The following ARHGAP6 variants were observed in gnomAD, a reference collection of about 807,000 sequenced individuals.
The protein encoded by ARHGAP6 is Rho GTPase activating protein 6.
Under a neutral mutation model 55.7 loss-of-function variants are expected in ARHGAP6, and 16 were observed. The observed-to-expected ratio is 0.29, with a 90% CI of 0.19 to 0.44. ARHGAP6 has a LOEUF of 0.44. ARHGAP6 is among the 20% of genes least tolerant of loss of function. The pLI, the probability that ARHGAP6 is intolerant of heterozygous loss-of-function variation, is 1.00. For missense variants in ARHGAP6, 698 were observed against 808.9 expected (o/e 0.86, Z 1.66); for synonymous variants, 382 against 360.9 (o/e 1.06, Z -0.66).
chrX:11,197,980 A>G (rs2046564910), intron 2 of ARHGAP6, among the ~76,000 whole-genome samples: 1 of 112,121 alleles, frequency 8.9e-6, no homozygotes, highest in South Asian at 3.7e-4. Flanking sequence ...GGTGAAAAAA[A>G]TGATTAAGAA....
chrX:11,171,454 G>T (rs2046090409), intron 8 of ARHGAP6, among the ~76,000 whole-genome samples: 2 of 109,642 alleles, frequency 1.8e-5, no homozygotes, highest in Non-Finnish European at 3.8e-5. Context: ...CCCACTGCAC[G>T]AATAAACCAT....
intron 2 of ARHGAP6, among the ~76,000 whole-genome samples, chrX:11,251,308 T>C (rs2047420567): frequency 8.9e-6 from 1 of 111,978 alleles, no homozygotes; most frequent in Non-Finnish European, 1.9e-5. Flanking sequence ...TCAGTGTCCA[T>C]ATAACTAATG....
chrX:11,181,949 G>T, intron 6 of ARHGAP6, 114 bp downstream of exon 6: 1 of 506,060 alleles, frequency 2.0e-6, no homozygotes, highest in Non-Finnish European at 3.2e-6. Context: ...AGCTTGGAGG[G>T]TAAAAAAAAA....
At chrX:11,204,825 G>T (rs996721237) in intron 2 of ARHGAP6, among the ~76,000 whole-genome samples, 2 of 111,708 alleles carry the variant, frequency 1.8e-5, no homozygotes, top group African/African-American at 6.5e-5. Context: ...AACTCCTTTT[G>T]ATTTGACCTT....
intron 1 of ARHGAP6, among the ~76,000 whole-genome samples, chrX:11,330,930 C>T (rs1224919959): frequency 1.8e-5 from 2 of 111,470 alleles, no homozygotes; most frequent in Admixed American, 9.6e-5. Context: ...TTTGTTGGGG[C>T]TCAGAAAACA....
chrX:11,567,537 G>A (rs1229093396), intron 1 of ARHGAP6, among the ~76,000 whole-genome samples: 2 of 65,683 alleles, frequency 3.0e-5, no homozygotes, highest in Non-Finnish European at 6.1e-5. Context: ...CTGGGTGACA[G>A]AGGGAGACTC....
In ARHGAP6 at chrX:11,351,361, C is replaced by T. The variant is rs1404159485; in HGVS notation, c.589-96654G>A. On this transcript the variant is annotated intron_variant, in intron 1 of 12. Coordinates refer to ENST00000337414, the MANE Select transcript of ARHGAP6 (RefSeq NM_013427.3). Reference sequence around the variant, plus strand: ...CATTCATATCATATAACTAAATACACGTGACCTAGAAACACCCAACTTACA... The same window carrying T: ...CATTCATATCATATAACTAAATACATGTGACCTAGAAACACCCAACTTACA... 5.2e-6 allele frequency: 5 copies of T among 966,063 alleles called. No individual in the cohort carries two copies. In the African/African-American group the frequency reaches 5.9e-5, roughly 11 times the overall value. 79.6% of individuals were successfully genotyped at this position (966,063 alleles called of 1,213,427 possible).
intron 1 of ARHGAP6, among the ~76,000 whole-genome samples, chrX:11,375,653 C>G (rs1396838751): frequency 8.9e-6 from 1 of 111,964 alleles, no homozygotes; most frequent in Admixed American, 9.5e-5. Flanking sequence ...ATTCTCAGTA[C>G]CAATGGCTTC....
intron 1 of ARHGAP6, among the ~76,000 whole-genome samples, chrX:11,442,557 G>C (rs1188512879): frequency 9.0e-6 from 1 of 111,569 alleles, no homozygotes; most frequent in African/African-American, 3.3e-5. Flanking sequence ...CAGAAACGGG[G>C]GAAAAAATCC....
At chrX:11,593,377 C>T (rs2051861635) in intron 1 of ARHGAP6, among the ~76,000 whole-genome samples, 2 of 111,634 alleles carry the variant, frequency 1.8e-5, no homozygotes, top group Admixed American at 1.9e-4. Context: ...TCCAGTTATA[C>T]AACATTCTGG....
intron 1 of ARHGAP6, among the ~76,000 whole-genome samples, chrX:11,488,476 C>A (rs752991673): frequency 1.8e-5 from 2 of 111,309 alleles, no homozygotes; most frequent in South Asian, 7.6e-4. Context: ...TGAAACAAAG[C>A]TCTATTTCAT....
At chrX:11,647,219 T>C (rs959106992) in intron 1 of ARHGAP6, among the ~76,000 whole-genome samples, 1 of 112,399 alleles carries the variant, frequency 8.9e-6, no homozygotes, top group African/African-American at 3.2e-5. Context: ...ACACTGCTAA[T>C]ATTTTGGTAG....
chrX:11,299,085 A>G, intron 1 of ARHGAP6: 1 of 941,268 alleles, frequency 1.1e-6, no homozygotes, highest in Non-Finnish European at 1.5e-6. Flanking sequence ...TGTAGTAGTT[A>G]CAGGTCTATG....
In ARHGAP6 at chrX:11,500,663, C is replaced by CAAAA. The variant is rs995574477; in HGVS notation, c.588+163574_588+163577dup. Among the ~76,000 whole-genome samples, 162 of 33,499 alleles carry CAAAA rather than the reference C, an allele frequency of 4.8e-3. 2 individuals are homozygous for CAAAA. The highest frequency in any genetic ancestry group is 0.016 in the African/African-American group (140 of 8,984). The allele number at this position is 33,499 out of a possible 115,157, so 29.1% of individuals were successfully genotyped here. A position where few individuals can be genotyped will look rare whatever the true frequency, so the allele number is the denominator to read the frequency against. Reference sequence around the variant, plus strand: ...CCCGGGAAACAGAGCCAGACTCTGTCAAAAAAAAAAAAAAAAAAAAAGAAG... The same window carrying CAAAA: ...CCCGGGAAACAGAGCCAGACTCTGTCAAAAAAAAAAAAAAAAAAAAAAAAAGAAG... On this transcript the variant is annotated intron_variant, in intron 1 of 12. Coordinates refer to ENST00000337414, the MANE Select transcript of ARHGAP6 (RefSeq NM_013427.3).
At chrX:11,334,914 A>T (rs772847030) in intron 1 of ARHGAP6, 1 of 139,895 alleles carries the variant, frequency 7.1e-6, no homozygotes, top group Non-Finnish European at 1.4e-5. Context: ...AATGTCCTCC[A>T]TAGCACCCGT....
At chrX:11,497,191 C>G (rs1370498014) in intron 1 of ARHGAP6, among the ~76,000 whole-genome samples, 1 of 111,935 alleles carries the variant, frequency 8.9e-6, no homozygotes, top group Non-Finnish European at 1.9e-5. Flanking sequence ...TCATCAGAAA[C>G]ATAAATTTCT....
At chrX:11,261,874 C>A (rs2047565962) in intron 1 of ARHGAP6, among the ~76,000 whole-genome samples, 1 of 111,360 alleles carries the variant, frequency 9.0e-6, no homozygotes. Flanking sequence ...TGCTAAGCAC[C>A]TTATAATGCA....
intron 1 of ARHGAP6, among the ~76,000 whole-genome samples, chrX:11,631,111 G>T (rs1488299197): frequency 9.0e-6 from 1 of 111,033 alleles, no homozygotes; most frequent in Non-Finnish European, 1.9e-5. Flanking sequence ...GATAATTCAG[G>T]CCCCTGGAAA....
intron 1 of ARHGAP6, among the ~76,000 whole-genome samples, chrX:11,469,150 C>T (rs979865347): frequency 8.9e-6 from 1 of 112,529 alleles, no homozygotes; most frequent in Non-Finnish European, 1.9e-5. Flanking sequence ...CTAGAGCAGC[C>T]TGAACTGGCT....
Sources: allele counts gnomAD v4.1 joint callset (sites outside exome capture counted in the v4.1 genomes callset), GRCh38; gene constraint gnomAD v4.1.1; transcripts MANE v1.5; gene names NCBI Gene and HGNC (gene_info 2026-07-23, HGNC 2026-07-21).